FAM13A: variants seen among roughly 807,000 people sequenced by gnomAD.
FAM13A encodes the protein family with sequence similarity 13 member A.
Under a neutral mutation model 129.6 loss-of-function variants are expected in FAM13A, and 76 were observed. The observed-to-expected ratio is 0.59, with a 90% CI of 0.49 to 0.71. FAM13A has a LOEUF of 0.71. Ranked by LOEUF, FAM13A falls within the 30% of genes least tolerant of loss-of-function variation. The probability of loss-of-function intolerance (pLI) is 0.00; values close to 1 mark genes in which losing one functional copy is unlikely to be tolerated. For missense variants in FAM13A, 1,108 were observed against 1,249.3 expected (o/e 0.89, Z 1.70); for synonymous variants, 443 against 449.9 (o/e 0.98, Z 0.20).
intron 13 of FAM13A, 44 bp downstream of exon 13, chr4:88,767,509 G>A: frequency 6.8e-7 from 1 of 1,474,320 alleles, no homozygotes; most frequent in Non-Finnish European, 9.2e-7. Context: ...AAGAGTGTAT[G>A]AACAGCCCCG....
chr4:89,008,239 C>T (rs938913044), intron 3 of FAM13A, among the ~76,000 whole-genome samples: 1 of 152,134 alleles, frequency 6.6e-6, no homozygotes, highest in Non-Finnish European at 1.5e-5. Context: ...GATTGACGCC[C>T]TAGCCCCCAA....
At chr4:88,776,117 T>A (rs919618259) in intron 11 of FAM13A, among the ~76,000 whole-genome samples, 2 of 152,226 alleles carry the variant, frequency 1.3e-5, no homozygotes, top group Non-Finnish European at 1.5e-5. Context: ...TGTAATATTA[T>A]AGAATTCATA....
chr4:88,968,570 C>G (rs1050139563), intron 4 of FAM13A, among the ~76,000 whole-genome samples: 1 of 152,068 alleles, frequency 6.6e-6, no homozygotes, highest in Admixed American at 6.6e-5. Context: ...CTATATGCCC[C>G]AGAGGATATA....
chr4:88,941,835 C>T (rs931568534), intron 4 of FAM13A, among the ~76,000 whole-genome samples: 1 of 152,148 alleles, frequency 6.6e-6, no homozygotes, highest in Non-Finnish European at 1.5e-5. Flanking sequence ...GGCACATAAC[C>T]TTTGGTTTGC....
intron 4 of FAM13A, among the ~76,000 whole-genome samples, chr4:88,943,904 T>C (rs997608058): frequency 6.6e-6 from 1 of 152,196 alleles, no homozygotes; most frequent in Non-Finnish European, 1.5e-5. Flanking sequence ...ACATTTTTTT[T>C]CTCTCTCTTT....
chr4:88,797,162 C>T (rs112542013), intron 8 of FAM13A, among the ~76,000 whole-genome samples: 6,703 of 152,044 alleles, frequency 0.044, 203 homozygotes, highest in Non-Finnish European at 0.061. Flanking sequence ...GCTGGGCACA[C>T]ACTATACTTG....
intron 7 of FAM13A, among the ~76,000 whole-genome samples, chr4:88,829,267 T>A (rs1186953510): frequency 6.6e-6 from 1 of 152,198 alleles, no homozygotes; most frequent in African/African-American, 2.4e-5. Flanking sequence ...CATAGTGAGA[T>A]CTCATCCCTA....
intron 8 of FAM13A, among the ~76,000 whole-genome samples, chr4:88,791,725 C>A (rs545206440): frequency 1.3e-5 from 2 of 152,142 alleles, no homozygotes; most frequent in South Asian, 4.1e-4. Flanking sequence ...CTAATTTATA[C>A]GATATAATTT....
intron 8 of FAM13A, 76 bp from the exon 9 acceptor site, chr4:88,790,703 C>T (rs2290781): frequency 0.31 from 394,239 of 1,268,928 alleles, 64,274 homozygotes; most frequent in Middle Eastern, 0.39. Context: ...TGAAGTGGAT[C>T]GCAGGCTGAA....
chr4:88,796,289 T>C (rs1236203024), intron 8 of FAM13A, among the ~76,000 whole-genome samples: 3 of 151,986 alleles, frequency 2.0e-5, no homozygotes, highest in African/African-American at 4.8e-5. Context: ...AGAGTTTTCA[T>C]TGGTTGATTG....
chr4:88,825,237 ATGGAATCTTGCTC>A (rs1732776657), intron 7 of FAM13A, among the ~76,000 whole-genome samples: 1 of 97,258 alleles, frequency 1.0e-5, no homozygotes, highest in Non-Finnish European at 2.1e-5. Context: ...TGGGGGGGGG[ATGGAATCTTGCTC>A]TGTCACCCAG....
At chr4:89,044,641 T>G (rs1361009627) in intron 1 of FAM13A, among the ~76,000 whole-genome samples, 1 of 152,150 alleles carries the variant, frequency 6.6e-6, no homozygotes, top group African/African-American at 2.4e-5. Context: ...GCAGCATTAT[T>G]CACGACAGCC....
chr4:88,822,045 T>C (rs1335014988), intron 7 of FAM13A, among the ~76,000 whole-genome samples: 1 of 152,202 alleles, frequency 6.6e-6, no homozygotes, highest in South Asian at 2.1e-4. Flanking sequence ...GTTTTTTTTA[T>C]CCTTAAATAA....
chr4:88,756,883 C>T (rs1743759386), intron 14 of FAM13A, among the ~76,000 whole-genome samples: 1 of 151,676 alleles, frequency 6.6e-6, no homozygotes, highest in Non-Finnish European at 1.5e-5. Context: ...ATCAGAATGG[C>T]CTTGATGTGA....
rs568703674 is a variant in FAM13A, at chr4:88,905,984, G to C, written c.843+395C>G. On this transcript the variant is annotated intron_variant, in intron 6 of 23. Transcript: ENST00000264344. ...ATGCAATCAACAGAACATGGAAATA[G>C]GAGAGCATCAAGAAACATGCTGGCC... Among the ~76,000 whole-genome samples the C allele has an allele frequency of 1.5e-4, 23 of 152,260 alleles. No individual in the cohort carries two copies. In the East Asian group the frequency reaches 4.4e-3, roughly 29 times the overall value.
chr4:88,965,413 G>A (rs540970024), intron 4 of FAM13A, among the ~76,000 whole-genome samples: 8 of 152,036 alleles, frequency 5.3e-5, no homozygotes, highest in African/African-American at 7.2e-5. Context: ...GTCAGACATC[G>A]GGACAGAATG....
intron 7 of FAM13A, among the ~76,000 whole-genome samples, chr4:88,845,458 G>T (rs1391030650): frequency 6.6e-6 from 1 of 152,158 alleles, no homozygotes; most frequent in Non-Finnish European, 1.5e-5. Context: ...AGAGCAGACA[G>T]CCCAGGAAGG....
intron 7 of FAM13A, among the ~76,000 whole-genome samples, chr4:88,812,852 G>A (rs1462624331): frequency 1.3e-5 from 2 of 152,166 alleles, no homozygotes; most frequent in Non-Finnish European, 2.9e-5. Context: ...CTGAGTGCTT[G>A]CAGTAGTGTT....
intron 4 of FAM13A, among the ~76,000 whole-genome samples, chr4:88,970,193 G>A (rs910282942): frequency 6.6e-6 from 1 of 152,154 alleles, no homozygotes; most frequent in Non-Finnish European, 1.5e-5. Flanking sequence ...TTACATCTGA[G>A]AAAACCTGGA....
Sources: gnomAD v4.1 joint callset for allele counts (sites outside exome capture counted in the v4.1 genomes callset) on GRCh38, gnomAD v4.1.1 for gene constraint, MANE v1.5 for transcripts, NCBI Gene and HGNC (gene_info 2026-07-23, HGNC 2026-07-21) for gene names.